Variants in KCNQ5 observed in about 807,000 individuals in gnomAD.
KCNQ5 encodes potassium voltage-gated channel subfamily Q member 5, also known as potassium voltage-gated channel subfamily KQT member 5.
KCNQ5 carries 30 observed loss-of-function variants against 98.2 expected under a neutral mutation model. The ratio of observed to expected loss-of-function variants is 0.31; its 90% CI spans 0.23 to 0.41. The LOEUF is 0.41. Ranked by LOEUF, KCNQ5 falls within the 10% of genes least tolerant of loss-of-function variation. KCNQ5 has a pLI of 1.00. For synonymous variants in KCNQ5, 458 were observed against 449.4 expected, an observed-to-expected ratio of 1.02 and a Z score of -0.24; for missense variants, 835 against 1,182.5, an observed-to-expected ratio of 0.71 and a Z score of 4.31.
intron 1 of KCNQ5, among the ~76,000 whole-genome samples, chr6:72,984,327 C>G (rs1582137938): frequency 6.6e-6 from 1 of 152,214 alleles, no homozygotes; most frequent in Admixed American, 6.5e-5. Context: ...GTGGAGTCTA[C>G]AAAGGCAGGC....
At chr6:73,083,205 C>A (rs1773851207) in intron 5 of KCNQ5, among the ~76,000 whole-genome samples, 1 of 152,114 alleles carries the variant, frequency 6.6e-6, no homozygotes, top group East Asian at 1.9e-4. Context: ...ATTCCTAAAC[C>A]TTTTTATGTC....
At chr6:72,765,737 C>T (rs1028536195) in intron 1 of KCNQ5, among the ~76,000 whole-genome samples, 10 of 151,880 alleles carry the variant, frequency 6.6e-5, no homozygotes, top group Non-Finnish European at 1.0e-4. Context: ...TGATGAGTTA[C>T]CACTGTGGCT....
intron 12 of KCNQ5, among the ~76,000 whole-genome samples, chr6:73,192,169 C>A (rs1017178641): frequency 6.6e-6 from 1 of 152,212 alleles, no homozygotes; most frequent in African/African-American, 2.4e-5. Flanking sequence ...TTCTTATCTG[C>A]TTATCTTTCA....
chr6:72,892,207 A>T (rs181488730), intron 1 of KCNQ5, among the ~76,000 whole-genome samples: 16 of 152,342 alleles, frequency 1.1e-4, no homozygotes, highest in Non-Finnish European at 2.1e-4. Context: ...TAATTAAAAC[A>T]TAGAACCTTC....
At chr6:72,679,237 G>A (rs573633481) in intron 1 of KCNQ5, among the ~76,000 whole-genome samples, 64 of 152,190 alleles carry the variant, frequency 4.2e-4, no homozygotes, top group Non-Finnish European at 6.0e-4. Context: ...ATACCCAAAG[G>A]ACTATAAATC....
At chr6:73,157,004 G>C (rs555908059) in intron 10 of KCNQ5, among the ~76,000 whole-genome samples, 5 of 152,326 alleles carry the variant, frequency 3.3e-5, no homozygotes, top group African/African-American at 1.2e-4. Flanking sequence ...CCTCCCTGAA[G>C]CGTGGTGGGT....
intron 2 of KCNQ5, among the ~76,000 whole-genome samples, chr6:73,009,268 A>C (rs955606048): frequency 1.4e-4 from 21 of 152,174 alleles, no homozygotes; most frequent in Non-Finnish European, 2.9e-5. Context: ...CTGGGATTAC[A>C]GGTGTGAGCC....
At chr6:72,723,257 G>T (rs777907245) in intron 1 of KCNQ5, among the ~76,000 whole-genome samples, 2 of 152,106 alleles carry the variant, frequency 1.3e-5, no homozygotes, top group African/African-American at 4.8e-5. Context: ...AATAATAATG[G>T]TACTTACTCT....
intron 1 of KCNQ5, among the ~76,000 whole-genome samples, chr6:72,951,899 A>T (rs1766825883): frequency 6.6e-6 from 1 of 152,210 alleles, no homozygotes; most frequent in African/African-American, 2.4e-5. Flanking sequence ...TTAAATTAAA[A>T]GAGATTGAGG....
chr6:73,057,885 A>G (rs1251842434), intron 3 of KCNQ5, among the ~76,000 whole-genome samples: 1 of 152,268 alleles, frequency 6.6e-6, no homozygotes, highest in Non-Finnish European at 1.5e-5. Flanking sequence ...ACAGCATGGT[A>G]CTGGTACAAA....
rs112171761 is a variant in KCNQ5 at position 73,080,830 on chromosome 6, A to G, written c.918+2943A>G. On this transcript the variant is annotated intron_variant, in intron 5 of 13. Coordinates refer to ENST00000370398, the MANE Select transcript of KCNQ5 (RefSeq NM_019842.4). ...GATACGCTGTGCCAGTGAATTTTCA[A>G]TACTAACTCTGGAACTCCTTCCATT... 3.9e-5 allele frequency among the ~76,000 whole-genome samples: 6 copies of G among 152,336 alleles called. 1 individual carries two copies. Among genetic ancestry groups the G allele is most frequent in the South Asian group, 4.1e-4 (2 of 4,826 alleles).
intron 1 of KCNQ5, among the ~76,000 whole-genome samples, chr6:72,749,793 A>G (rs1039059626): frequency 6.6e-6 from 1 of 152,090 alleles, no homozygotes; most frequent in Non-Finnish European, 1.5e-5. Context: ...CCACTGAGGC[A>G]TTTGGTTTTT....
At chr6:73,189,819 A>G (rs1765517980) in intron 11 of KCNQ5, among the ~76,000 whole-genome samples, 1 of 152,092 alleles carries the variant, frequency 6.6e-6, no homozygotes, top group Admixed American at 6.5e-5. Flanking sequence ...TGCAGGAGGC[A>G]TTGTTATAAG....
At chr6:73,082,556 G>T (rs771977913) in intron 5 of KCNQ5, among the ~76,000 whole-genome samples, 4 of 152,152 alleles carry the variant, frequency 2.6e-5, no homozygotes, top group Non-Finnish European at 4.4e-5. Context: ...GTGATGTAAA[G>T]ATCCATCTCT....
intron 11 of KCNQ5, among the ~76,000 whole-genome samples, chr6:73,173,921 A>G (rs1023420021): frequency 1.3e-5 from 2 of 152,226 alleles, no homozygotes; most frequent in Non-Finnish European, 2.9e-5. Flanking sequence ...CTGAACAGGC[A>G]GGTAATTTAT....
At chr6:72,981,397 A>G (rs573320353) in intron 1 of KCNQ5, among the ~76,000 whole-genome samples, 2 of 152,194 alleles carry the variant, frequency 1.3e-5, no homozygotes, top group East Asian at 1.9e-4. Flanking sequence ...GAGGGTGTAT[A>G]TGTATAGGAA....
intron 9 of KCNQ5, chr6:73,129,829 G>T (rs748398140): frequency 6.2e-7 from 1 of 1,613,008 alleles, no homozygotes; most frequent in Admixed American, 1.7e-5. Flanking sequence ...TCTTCAGAAT[G>T]TACACCTCAC....
intron 11 of KCNQ5, among the ~76,000 whole-genome samples, chr6:73,181,931 T>C (rs1274074614): frequency 6.6e-6 from 1 of 152,234 alleles, no homozygotes; most frequent in African/African-American, 2.4e-5. Flanking sequence ...ATTATCATTT[T>C]AATCATTAAA....
chr6:72,722,932 C>T (rs1770052079), intron 1 of KCNQ5, among the ~76,000 whole-genome samples: 1 of 149,646 alleles, frequency 6.7e-6, no homozygotes, highest in Non-Finnish European at 1.5e-5. Flanking sequence ...TCACTGCATC[C>T]TTGACTTCCT....
Sources: gnomAD v4.1 joint callset for allele counts (sites outside exome capture counted in the v4.1 genomes callset) on GRCh38, gnomAD v4.1.1 for gene constraint, MANE v1.5 for transcripts, NCBI Gene and HGNC (gene_info 2026-07-23, HGNC 2026-07-21) for gene names.